The following PCDHGA4 variants were observed in gnomAD, a reference collection of about 807,000 sequenced individuals.
The protein encoded by PCDHGA4 is protocadherin gamma subfamily A, 4.
Under a neutral mutation model 54.6 loss-of-function variants are expected in PCDHGA4, and 38 were observed. The ratio of observed to expected loss-of-function variants is 0.70; its 90% CI spans 0.54 to 0.91. The LOEUF is 0.91. Ranked by LOEUF, PCDHGA4 falls within the 40% of genes least tolerant of loss-of-function variation. PCDHGA4 has a pLI of 0.00. For missense variants in PCDHGA4, 1,298 were observed against 1,220.9 expected (o/e 1.06, Z -0.94); for synonymous variants, 511 against 512.9 (o/e 1.00, Z 0.05).
chr5:141,385,870 A>G (rs2150302172), intron 1 of PCDHGA4: 1 of 153,178 alleles, frequency 6.5e-6, no homozygotes, highest in African/African-American at 2.4e-5. Flanking sequence ...AGAAGGTTGG[A>G]TTTATGCCTA....
intron 1 of PCDHGA4, chr5:141,415,862 A>G: frequency 1.8e-6 from 2 of 1,107,350 alleles, no homozygotes; most frequent in Non-Finnish European, 1.2e-6. Flanking sequence ...TGTAGTTTAT[A>G]GTGTTGTTGA....
intron 1 of PCDHGA4, chr5:141,390,345 A>G: frequency 6.3e-7 from 1 of 1,576,504 alleles, no homozygotes; most frequent in Non-Finnish European, 8.7e-7. Context: ...TTCACAAGAA[A>G]ATATACATAT....
chr5:141,422,727 G>A, intron 1 of PCDHGA4: 6 of 1,606,552 alleles, frequency 3.7e-6, no homozygotes, highest in Non-Finnish European at 5.1e-6. Flanking sequence ...TCCAGGGGGT[G>A]CCTCTGTCCT....
chr5:141,374,459 A>G (rs764751595), intron 1 of PCDHGA4: 2 of 1,613,448 alleles, frequency 1.2e-6, no homozygotes, highest in Non-Finnish European at 1.7e-6. Context: ...AATAGTGGAC[A>G]TTAATGACAA....
At chr5:141,480,722 C>T (rs1002559431) in intron 1 of PCDHGA4, among the ~76,000 whole-genome samples, 1 of 152,174 alleles carries the variant, frequency 6.6e-6, no homozygotes, top group African/African-American at 2.4e-5. Flanking sequence ...AAAGCACAGT[C>T]TCTGGGGGTG....
At chr5:141,371,899 C>A in intron 1 of PCDHGA4, 1 of 1,613,414 alleles carries the variant, frequency 6.2e-7, no homozygotes, top group Non-Finnish European at 8.5e-7. Flanking sequence ...CGGGAGCTGT[C>A]GTCCTACGTG....
Position 141,356,243 on chromosome 5 carries a change from C to G in PCDHGA4, c.1136C>G (p.Thr379Arg). The stretch of plus-strand genomic sequence containing the variant: ...GAAAATGACAACGCACCAGAAGTCA[C>G]AGTTACATCTCTCACCAGCTCAGTC... Reference protein sequence around the residue: ...LDENDNAPEVTVTSLTSSVQE... With the variant: ...LDENDNAPEVRVTSLTSSVQE... The change falls in exon 1 of 4, where the codon ACA becomes AGA. Residue 379 changes from threonine to arginine, a missense_variant. Transcript: ENST00000571252. 6.3e-7 allele frequency: 1 copy of G among 1,581,974 alleles called. No individual in the cohort carries two copies. Among genetic ancestry groups the G allele is most frequent in the Non-Finnish European group, 8.6e-7 (1 of 1,163,306 alleles).
chr5:141,408,904 T>C (rs779095615), intron 1 of PCDHGA4: 14 of 1,613,246 alleles, frequency 8.7e-6, no homozygotes, highest in Admixed American at 3.3e-5. Flanking sequence ...CTGTCAAGGA[T>C]ACCAATGATA....
intron 1 of PCDHGA4, chr5:141,410,775 T>A: frequency 1.0e-6 from 1 of 998,978 alleles, no homozygotes. Flanking sequence ...TAGTTTTCAC[T>A]ATGTATTTGG....
Position 141,432,097 on chromosome 5 carries a change from C to G in PCDHGA4, c.2515-62710C>G. ...TCTCGCTGAACGTGGCAGACACCAA[C>G]GACAACCCGCCGGTCTTCCCTCAGG... On this transcript the variant is annotated intron_variant, in intron 1 of 3. Transcript: ENST00000571252. This position sits in a 1 kb window ranked among gnomAD's most constrained non-coding sequence, Gnocchi z 6.0. The G allele has an allele frequency of 6.2e-7, 1 of 1,614,184 alleles. No homozygotes were observed.
At chr5:141,433,935 T>G (rs2097665519) in intron 1 of PCDHGA4, among the ~76,000 whole-genome samples, 2 of 152,150 alleles carry the variant, frequency 1.3e-5, no homozygotes, top group African/African-American at 2.4e-5. Context: ...GATTTTATAA[T>G]TCCATTGTTT....
chr5:141,499,402 A>G (rs2099791723), intron 2 of PCDHGA4, among the ~76,000 whole-genome samples: 2 of 152,212 alleles, frequency 1.3e-5, no homozygotes, highest in South Asian at 4.1e-4. Context: ...GTACATGCTC[A>G]TTATAGAAAC....
At chr5:141,363,810 T>C (rs1763071623) in intron 1 of PCDHGA4, among the ~76,000 whole-genome samples, 1 of 152,204 alleles carries the variant, frequency 6.6e-6, no homozygotes, top group Non-Finnish European at 1.5e-5. Flanking sequence ...AAATCTTGAA[T>C]CCTACAAAGG....
intron 1 of PCDHGA4, chr5:141,407,957 G>C (rs1166490050): frequency 1.5e-6 from 1 of 660,376 alleles, no homozygotes; most frequent in African/African-American, 1.8e-5. Flanking sequence ...GGCCAGTGCA[G>C]AGCAAGCGCT....
At chr5:141,423,357 C>A in intron 1 of PCDHGA4, 1 of 1,614,214 alleles carries the variant, frequency 6.2e-7, no homozygotes, top group Non-Finnish European at 8.5e-7. Flanking sequence ...TCTTTGTCAT[C>A]GTGCTGCTGG....
At chr5:141,370,456 T>A (rs889377616) in intron 1 of PCDHGA4, 17 of 1,611,826 alleles carry the variant, frequency 1.1e-5, no homozygotes, top group Non-Finnish European at 1.3e-5. Flanking sequence ...TTTCTCTTCC[T>A]GCTCTCTTTG....
rs754384717 is a variant in PCDHGA4 at position 141,385,373 on chromosome 5, T to C, written c.2514+27752T>C. The C allele has an allele frequency of 3.9e-6, 6 of 1,529,356 alleles. No individual in the cohort carries two copies. The East Asian group carries it at 1.4e-4, about 35-fold the overall frequency. 94.7% of individuals were successfully genotyped at this position (1,529,356 alleles called of 1,614,324 possible). ...CCATGAGGAATTTATTTGCATGATA[T>C]TTCTCTATTATTTTGCAAAACAAAT... On this transcript the variant is annotated intron_variant, in intron 1 of 3. Coordinates refer to ENST00000571252, the MANE Select transcript of PCDHGA4 (RefSeq NM_018917.4).
rs753503057 is a variant in PCDHGA4 at position 141,400,154 on chromosome 5, T to A, written c.2514+42533T>A. 8 of 1,614,074 alleles carry A rather than the reference T, an allele frequency of 5.0e-6. 1 individual carries two copies. In the South Asian group the frequency reaches 6.6e-5, roughly 13 times the overall value. On this transcript the variant is annotated intron_variant, in intron 1 of 3. Coordinates refer to ENST00000571252, the MANE Select transcript of PCDHGA4 (RefSeq NM_018917.4). ...CTGCCGGATATCACTGACCGCCCTG[T>A]ACCCTCTGACCCCCAGGCTGAGCTG...
intron 1 of PCDHGA4, among the ~76,000 whole-genome samples, chr5:141,466,449 T>C (rs2154569205): frequency 6.6e-6 from 1 of 152,358 alleles, no homozygotes; most frequent in Admixed American, 6.5e-5. Flanking sequence ...ATGTCTATGG[T>C]GTTGGCTATT....
Sources: gnomAD v4.1 joint callset for allele counts (sites outside exome capture counted in the v4.1 genomes callset) on GRCh38, gnomAD v4.1.1 for gene constraint, Gnocchi (gnomAD v3.1) non-coding constraint, MANE v1.5 for transcripts, NCBI Gene and HGNC (gene_info 2026-07-23, HGNC 2026-07-21) for gene names.